Variants in GRB2 observed in about 807,000 individuals in gnomAD.
GRB2 encodes the protein growth factor receptor-bound protein 2.
Under a neutral mutation model 27.4 loss-of-function variants are expected in GRB2, and 2 were observed. The observed-to-expected ratio is 0.07, with a 90% confidence interval of 0.03 to 0.23. The LOEUF (loss-of-function observed/expected upper bound fraction) is 0.23. Among genes scored for constraint, GRB2 ranks in the 10% least tolerant of loss-of-function variants. The pLI, the probability that GRB2 is intolerant of heterozygous loss-of-function variation, is 1.00. For missense variants in GRB2, 102 were observed against 282.4 expected, an observed-to-expected ratio of 0.36 and a Z score of 4.58; for synonymous variants, 94 against 99.6, an observed-to-expected ratio of 0.94 and a Z score of 0.33.
rs79139487 is a variant in GRB2 at position 75,367,755 on chromosome 17, T to A, written c.78+25796A>T. 6.8e-3 allele frequency among the ~76,000 whole-genome samples: 1,038 copies of A among 152,374 alleles called. 32 individuals carry two copies. Among genetic ancestry groups the A allele is most frequent in the East Asian group, 0.052 (272 of 5,186 alleles). On this transcript the variant is annotated intron_variant, in intron 2 of 5. Transcript: ENST00000316804. ...AATTAGATAATTCCTAATTTACTCA[T>A]TTCTGTTAATGACACCAATATTTCC... is the stretch of plus-strand genomic sequence containing the variant.
chr17:75,356,415 G>A (rs1305486800), intron 2 of GRB2, among the ~76,000 whole-genome samples: 1 of 152,024 alleles, frequency 6.6e-6, no homozygotes, highest in African/African-American at 2.4e-5. Context: ...GGCTGAGGCA[G>A]GAGGATCGCT....
intron 2 of GRB2, among the ~76,000 whole-genome samples, chr17:75,350,887 C>T (rs1003425008): frequency 1.3e-5 from 2 of 152,158 alleles, no homozygotes; most frequent in African/African-American, 4.8e-5. Context: ...GAGCAAGAAA[C>T]ATTCCAGGCA....
chr17:75,356,440 C>T lies in GRB2; in HGVS notation c.79-23643G>A, dbSNP rs547407676. Among the ~76,000 whole-genome samples, 64 of 152,086 alleles carry T rather than the reference C, an allele frequency of 4.2e-4. 2 individuals are homozygous for T. The highest frequency in any genetic ancestry group is 1.3e-3 in the African/African-American group (54 of 41,492). ...GGAGGATCGCTTGAGCCCAGGAGGTCGAGGCTGCAATGAGCCATGATCACA... is the reference window on the plus strand; with the variant it reads ...GGAGGATCGCTTGAGCCCAGGAGGTTGAGGCTGCAATGAGCCATGATCACA... On this transcript the variant is annotated intron_variant, in intron 2 of 5. Coordinates refer to ENST00000316804, the MANE Select transcript of GRB2 (RefSeq NM_002086.5).
At chr17:75,338,754 A>G in intron 2 of GRB2, 1 of 555,208 alleles carries the variant, frequency 1.8e-6, no homozygotes, top group Non-Finnish European at 3.2e-6. Context: ...TTAAGAGATG[A>G]GGAATGAGGT....
intron 2 of GRB2, among the ~76,000 whole-genome samples, chr17:75,342,720 T>C (rs950282506): frequency 2.6e-5 from 4 of 152,164 alleles, no homozygotes; most frequent in Non-Finnish European, 4.4e-5. Flanking sequence ...CTAAAGGCCA[T>C]GTGGAGTACC....
At chr17:75,382,698 A>G (rs980329336) in intron 2 of GRB2, among the ~76,000 whole-genome samples, 4 of 121,598 alleles carry the variant, frequency 3.3e-5, no homozygotes, top group Non-Finnish European at 5.7e-5. Flanking sequence ...ATGGCATCCT[A>G]AGATTTTTAT....
rs199956993 is a variant in GRB2 at position 75,319,598 on chromosome 17, A to ACCC, written c.*769_*770insGGG. The ACCC allele has an allele frequency of 6.6e-6, 1 of 150,818 alleles. No homozygotes were observed. Among genetic ancestry groups the ACCC allele is most frequent in the Non-Finnish European group, 1.5e-5 (1 of 67,516 alleles). 9.3% of individuals were successfully genotyped at this position (150,818 alleles called of 1,614,324 possible). A position where few individuals can be genotyped will look rare whatever the true frequency, so the allele number is the denominator to read the frequency against. On this transcript the variant is annotated 3_prime_UTR_variant, in exon 6 of 6. Transcript: ENST00000316804. ...GTAGCTGGGACTACAGGTGCGTGCC[A>ACCC]CACCCGGCTAATTTCTTATTTTTAG... is the stretch of plus-strand genomic sequence containing the variant.
chr17:75,376,696 C>T (rs368551994), intron 2 of GRB2, among the ~76,000 whole-genome samples: 2 of 151,968 alleles, frequency 1.3e-5, no homozygotes. Flanking sequence ...TTTAAACTTT[C>T]CTAAAAACCT....
At chr17:75,345,499 C>T (rs1187774099) in intron 2 of GRB2, among the ~76,000 whole-genome samples, 2 of 152,146 alleles carry the variant, frequency 1.3e-5, no homozygotes, top group African/African-American at 4.8e-5. Context: ...TATTCACCAA[C>T]GTGTGCATAA....
At chr17:75,367,171 CT>C (rs1047432171) in intron 2 of GRB2, among the ~76,000 whole-genome samples, 3 of 151,964 alleles carry the variant, frequency 2.0e-5, no homozygotes, top group Non-Finnish European at 2.9e-5. Flanking sequence ...ACCCACTGCT[CT>C]TTTTTTCCCC....
At chr17:75,383,032 T>C (rs2078939695) in intron 2 of GRB2, among the ~76,000 whole-genome samples, 1 of 151,508 alleles carries the variant, frequency 6.6e-6, no homozygotes, top group Admixed American at 6.6e-5. Context: ...TTTTTAAAAG[T>C]TGTTTGGGAA....
chr17:75,372,934 CAA>C (rs1375139792), intron 2 of GRB2: 1 of 152,190 alleles, frequency 6.6e-6, no homozygotes, highest in Non-Finnish European at 1.5e-5. Context: ...AAGGAACTAT[CAA>C]AGAGCTAAAA....
At chr17:75,328,962 A>C (rs987666990) in intron 3 of GRB2, among the ~76,000 whole-genome samples, 2 of 151,748 alleles carry the variant, frequency 1.3e-5, no homozygotes, top group Non-Finnish European at 2.9e-5. Flanking sequence ...TAAATAAATA[A>C]ATAAATAAAT....
chr17:75,321,819 T>G lies in GRB2; in HGVS notation c.308A>C (p.Asn103Thr). The G allele has an allele frequency of 1.2e-6, 2 of 1,613,768 alleles. No homozygotes were observed. Among genetic ancestry groups the G allele is most frequent in the Non-Finnish European group, 1.7e-6 (2 of 1,179,986 alleles). Reference sequence around the variant, plus strand: ...GAGCACCTTGAAGTGCTGCACATCGTTTCCAAACCTGGGAGGGACAGAAAG... The same window carrying G: ...GAGCACCTTGAAGTGCTGCACATCGGTTCCAAACCTGGGAGGGACAGAAAG... ...GDFSLSVKFGNDVQHFKVLRD... is the reference protein window; with the variant it reads ...GDFSLSVKFGTDVQHFKVLRD... The change falls in exon 5 of 6, where the codon AAC (asparagine) becomes ACC (threonine). Residue 103 changes from asparagine to threonine, a missense_variant. Physicochemically the swap from Asn to Thr is moderately conservative, Grantham distance 65 (BLOSUM62 0). Transcript: ENST00000316804.
At chr17:75,382,758 G>A (rs944497339) in intron 2 of GRB2, among the ~76,000 whole-genome samples, 2 of 152,162 alleles carry the variant, frequency 1.3e-5, no homozygotes, top group African/African-American at 4.8e-5. Flanking sequence ...GCCCAGGCTA[G>A]AGTGCGGTGG....
At chr17:75,337,601 C>T (rs1197288544) in intron 2 of GRB2, among the ~76,000 whole-genome samples, 19 of 146,652 alleles carry the variant, frequency 1.3e-4, no homozygotes, top group Middle Eastern at 3.5e-3. Context: ...GATGGAGTCT[C>T]GCTCTGTCGC....
intron 2 of GRB2, among the ~76,000 whole-genome samples, chr17:75,389,296 G>A (rs1031532172): frequency 6.7e-4 from 7 of 10,406 alleles, no homozygotes; most frequent in African/African-American, 1.4e-3. Flanking sequence ...TAACCTACAC[G>A]TCCTGTTCTC....
intron 2 of GRB2, among the ~76,000 whole-genome samples, chr17:75,386,096 C>G (rs981042275): frequency 9.9e-5 from 15 of 151,836 alleles, no homozygotes; most frequent in African/African-American, 3.4e-4. Context: ...CTTTAAAAAA[C>G]TTGTTTATGA....
chr17:75,337,784 C>T (rs1271749019), intron 2 of GRB2, among the ~76,000 whole-genome samples: 1 of 150,442 alleles, frequency 6.6e-6, no homozygotes, highest in Admixed American at 6.6e-5. Flanking sequence ...TTAGCCAGGA[C>T]GGTCTTGATC....
Sources: gnomAD v4.1 joint callset for allele counts (sites outside exome capture counted in the v4.1 genomes callset) on GRCh38, gnomAD v4.1.1 for gene constraint, MANE v1.5 for transcripts, NCBI Gene and HGNC (gene_info 2026-07-23, HGNC 2026-07-21) for gene names.